The following PEDS1 variants were observed in gnomAD, a reference collection of about 807,000 sequenced individuals.
PEDS1 encodes the protein CarF homolog.
PEDS1 carries 14 observed loss-of-function variants against 35.2 expected under a neutral mutation model. That is an observed-to-expected ratio of 0.40 (90% CI 0.26 to 0.62). The LOEUF is 0.62. Ranked by LOEUF, PEDS1 falls within the 20% of genes least tolerant of loss-of-function variation. PEDS1 has a pLI of 0.44. For missense variants in PEDS1, 260 were observed against 367.8 expected (o/e 0.71, Z 2.40); for synonymous variants, 152 against 152.0 (o/e 1.00, Z 0.00).
At position 50,124,604 on chromosome 20, in the gene PEDS1, C is replaced by T. The variant is rs772313211; in HGVS notation, c.*454G>A. 5.7e-5 allele frequency: 9 copies of T among 158,280 alleles called. No homozygotes were observed. The highest frequency in any genetic ancestry group is 1.7e-4 in the African/African-American group (7 of 41,568). 9.8% of individuals were successfully genotyped at this position (158,280 alleles called of 1,614,324 possible). ...GGGGCTGTCCACCTGCCCAGCCTCC[C>T]GGGGTCAGTATGCAGGGCTGTGGCA... On this transcript the variant is annotated 3_prime_UTR_variant, in exon 6 of 6. Coordinates refer to ENST00000371652, the MANE Select transcript of PEDS1 (RefSeq NM_199129.4).
At position 50,128,313 on chromosome 20, in the gene PEDS1, AC is replaced by A; in HGVS notation, c.479-127del. Reference sequence around the variant, plus strand: ...GGGCAAGCACCCAGGATTCTCTTCCACCCCCTGCAGGGCCGCAGGCAAGCTC... The same window carrying A: ...GGGCAAGCACCCAGGATTCTCTTCCACCCCTGCAGGGCCGCAGGCAAGCTC... On this transcript the variant is annotated intron_variant, in intron 4 of 5. Coordinates refer to ENST00000371652, the MANE Select transcript of PEDS1 (RefSeq NM_199129.4). The surrounding 1 kb of genome is among the most constrained non-coding windows in gnomAD (Gnocchi z 5.2). The A allele has an allele frequency of 8.1e-7, 1 of 1,227,354 alleles. No homozygotes were observed. Among genetic ancestry groups the A allele is most frequent in the Non-Finnish European group, 1.1e-6 (1 of 882,844 alleles). 76.0% of individuals were successfully genotyped at this position (1,227,354 alleles called of 1,614,324 possible).
chr20:50,127,429 C>T lies in PEDS1; in HGVS notation c.691+546G>A, dbSNP rs547194215. 7.9e-5 allele frequency among the ~76,000 whole-genome samples: 12 copies of T among 151,418 alleles called. No individual in the cohort carries two copies. In the East Asian group the frequency reaches 1.8e-3, roughly 22 times the overall value. On this transcript the variant is annotated intron_variant, in intron 5 of 5. Transcript: ENST00000371652. Reference sequence around the variant, plus strand: ...CGATTTCAGCTTACTGCAACCTCCACCTCCCAGGTTCAAGCAATTCTCTTG... The same window carrying T: ...CGATTTCAGCTTACTGCAACCTCCATCTCCCAGGTTCAAGCAATTCTCTTG...
Position 50,128,571 on chromosome 20 carries a change from C to G in PEDS1, c.479-384G>C, listed in dbSNP as rs1255402597. On this transcript the variant is annotated intron_variant, in intron 4 of 5. Transcript: ENST00000371652. This position sits in a 1 kb window ranked among gnomAD's most constrained non-coding sequence, Gnocchi z 5.2. The stretch of plus-strand genomic sequence containing the variant: ...TGGGAATGATGCCTTCACCCAGGTT[C>G]CCTAGAAGCGGAGCCTGAAACAGGT... Among the ~76,000 whole-genome samples the G allele has an allele frequency of 6.6e-6, 1 of 152,126 alleles. No individual in the cohort carries two copies. The highest frequency in any genetic ancestry group is 1.5e-5 in the Non-Finnish European group (1 of 68,034).
intron 1 of PEDS1, among the ~76,000 whole-genome samples, chr20:50,152,844 T>C (rs144976182): frequency 6.7e-6 from 1 of 150,312 alleles, no homozygotes; most frequent in East Asian, 2.0e-4. Flanking sequence ...CAAGGACTGA[T>C]GCTCACCACT....
chr20:50,153,568 A>G lies in PEDS1; in HGVS notation c.70T>C (p.Trp24Arg). 2 of 1,435,296 alleles carry G rather than the reference A, an allele frequency of 1.4e-6. No homozygotes were observed. The highest frequency in any genetic ancestry group is 1.8e-6 in the Non-Finnish European group (2 of 1,088,422). The allele number at this position is 1,435,296 out of a possible 1,614,324, so 88.9% of individuals were successfully genotyped here. The change falls in exon 1 of 6, where the codon TGG (tryptophan) becomes CGG (arginine). Residue 24 changes from tryptophan to arginine, a missense_variant. Coordinates refer to ENST00000371652, the MANE Select transcript of PEDS1 (RefSeq NM_199129.4). The part of the protein sequence containing the change: ...LDEDEASCCR[W>R]GAQHAGAREL... ...CGGGCCCCGGCGTGCTGCGCGCCCC[A>G]GCGGCAACAAGACGCCTCGTCCTCG...
chr20:50,133,735 C>T (rs1006743979), intron 2 of PEDS1, among the ~76,000 whole-genome samples: 7 of 152,252 alleles, frequency 4.6e-5, no homozygotes, highest in African/African-American at 1.7e-4. Flanking sequence ...GCCATCCTTC[C>T]GGGCAGTTGC....
chr20:50,125,703 C>T (rs1434119022), intron 5 of PEDS1, among the ~76,000 whole-genome samples: 1 of 152,152 alleles, frequency 6.6e-6, no homozygotes, highest in African/African-American at 2.4e-5. Flanking sequence ...AAGTGACTCT[C>T]CTGCCTCAGC....
intron 2 of PEDS1, among the ~76,000 whole-genome samples, chr20:50,134,623 G>A (rs964061477): frequency 6.6e-6 from 1 of 152,238 alleles, no homozygotes; most frequent in Non-Finnish European, 1.5e-5. Context: ...ATGTCATAAG[G>A]GTGGGGCCTC....
Position 50,118,595 on chromosome 20 carries a change from G to T in PEDS1, c.*6463C>A, listed in dbSNP as rs1244112106. On this transcript the variant is annotated 3_prime_UTR_variant, in exon 6 of 6. Transcript: ENST00000371652. Reference sequence around the variant, plus strand: ...CTCACAAAACATATTGTATTTCAGTGATTTGAAGCTATACGTTTTTACTTT... The same window carrying T: ...CTCACAAAACATATTGTATTTCAGTTATTTGAAGCTATACGTTTTTACTTT... 6.6e-6 allele frequency: 1 copy of T among 151,944 alleles called. No individual in the cohort carries two copies. Among genetic ancestry groups the T allele is most frequent in the African/African-American group, 2.4e-5 (1 of 41,410 alleles). 9.4% of individuals were successfully genotyped at this position (151,944 alleles called of 1,614,324 possible).
chr20:50,134,342 T>G (rs1163092286), intron 2 of PEDS1, among the ~76,000 whole-genome samples: 1 of 152,116 alleles, frequency 6.6e-6, no homozygotes, highest in African/African-American at 2.4e-5. Flanking sequence ...GGTCAGGAGT[T>G]TAAGACTAGC....
At chr20:50,152,605 G>A (rs776347195) in intron 1 of PEDS1, among the ~76,000 whole-genome samples, 1 of 152,158 alleles carries the variant, frequency 6.6e-6, no homozygotes, top group Non-Finnish European at 1.5e-5. Context: ...AAAGCAGGAA[G>A]AAGCTAGGGA....
intron 2 of PEDS1, among the ~76,000 whole-genome samples, chr20:50,142,692 C>A (rs973231817): frequency 2.0e-5 from 2 of 102,304 alleles, no homozygotes; most frequent in East Asian, 3.1e-4. Context: ...GCCCCCCCCC[C>A]CCCGCCCCAA....
In PEDS1 at chr20:50,127,994, G is replaced by T. The variant is rs778535304; in HGVS notation, c.672C>A (p.Thr224=). Reference sequence around the variant, plus strand: ...CCGCACCTGTGGTGATGCAGAAGTAGGTCTCGTGGGGTGAGACGTGGTGGA... The same window carrying T: ...CCGCACCTGTGGTGATGCAGAAGTATGTCTCGTGGGGTGAGACGTGGTGGA... ...HRIHHVSPHE[T]YFCITTGWLN... The change falls in exon 5 of 6, where the codon ACC becomes ACA. Residue 224 remains threonine, a synonymous_variant. Coordinates refer to ENST00000371652, the MANE Select transcript of PEDS1 (RefSeq NM_199129.4). 26 of 1,613,982 alleles carry T rather than the reference G, an allele frequency of 1.6e-5. No individual in the cohort carries two copies. Among genetic ancestry groups the T allele is most frequent in the Non-Finnish European group, 2.1e-5 (25 of 1,180,010 alleles).
intron 1 of PEDS1, among the ~76,000 whole-genome samples, chr20:50,148,068 C>T (rs1378671350): frequency 2.6e-5 from 4 of 152,122 alleles, no homozygotes; most frequent in Non-Finnish European, 4.4e-5. Flanking sequence ...CCAGCCTGGG[C>T]GACAGAGCAA....
At chr20:50,146,008 C>T (rs2081342048) in intron 1 of PEDS1, among the ~76,000 whole-genome samples, 1 of 152,170 alleles carries the variant, frequency 6.6e-6, no homozygotes, top group Non-Finnish European at 1.5e-5. Flanking sequence ...CCGCTCTATC[C>T]TGTTCCTGCT....
chr20:50,131,191 G>T, intron 2 of PEDS1: 3 of 886,664 alleles, frequency 3.4e-6, no homozygotes, highest in Non-Finnish European at 5.4e-6. Context: ...GCATAAACTG[G>T]GCATGCTCAG....
chr20:50,128,643 C>T lies in PEDS1; in HGVS notation c.479-456G>A, dbSNP rs1005716994. Among the ~76,000 whole-genome samples the T allele has an allele frequency of 7.9e-5, 12 of 152,200 alleles. No homozygotes were observed. Among genetic ancestry groups the T allele is most frequent in the South Asian group, 2.1e-4 (1 of 4,832 alleles). On this transcript the variant is annotated intron_variant, in intron 4 of 5. Coordinates refer to ENST00000371652, the MANE Select transcript of PEDS1 (RefSeq NM_199129.4). This position sits in a 1 kb window ranked among gnomAD's most constrained non-coding sequence, Gnocchi z 5.2. The stretch of plus-strand genomic sequence containing the variant: ...AGGGAGCCTCTTCAGGAAAAAACCT[C>T]GAAGGGAGGGAGGGAAGCAAGACAC...
At position 50,143,515 on chromosome 20, in the gene PEDS1, G is replaced by C. The variant is rs761045002; in HGVS notation, c.228C>G (p.Val76=). The C allele has an allele frequency of 1.9e-6, 3 of 1,608,854 alleles. No homozygotes were observed. The Admixed American group carries it at 5.1e-5, about 27-fold the overall frequency. Residue 76 remains valine (V), a synonymous_variant, in exon 2 of 6, where the codon GTC becomes GTG. Transcript: ENST00000371652. ...TCGGGCACTCACCAACACCGAGTATGACGAGGGGTGTGTCCTCCCAGCGGG... is the reference window on the plus strand; with the variant it reads ...TCGGGCACTCACCAACACCGAGTATCACGAGGGGTGTGTCCTCCCAGCGGG... ...LLARWEDTPL[V]ILGVVAGALI...
intron 2 of PEDS1, among the ~76,000 whole-genome samples, chr20:50,142,850 G>A (rs2081307964): frequency 1.3e-5 from 2 of 152,044 alleles, no homozygotes; most frequent in Admixed American, 1.3e-4. Context: ...GAGAGTTCTA[G>A]GCACAGAGAA....
Sources: gnomAD v4.1 joint callset for allele counts (sites outside exome capture counted in the v4.1 genomes callset) on GRCh38, gnomAD v4.1.1 for gene constraint, Gnocchi (gnomAD v3.1) non-coding constraint, MANE v1.5 for transcripts, NCBI Gene and HGNC (gene_info 2026-07-23, HGNC 2026-07-21) for gene names.